The following CETP variants were observed in gnomAD, a reference collection of about 807,000 sequenced individuals.
The protein encoded by CETP is cholesteryl ester transfer protein.
CETP carries 56 observed loss-of-function variants against 66.5 expected under a neutral mutation model. The observed-to-expected ratio is 0.84, with a 90% confidence interval of 0.68 to 1.05. CETP has a LOEUF of 1.05. Ranked by LOEUF, CETP falls within the 50% of genes least tolerant of loss-of-function variation. The probability of loss-of-function intolerance (pLI) is 0.00; values close to 1 mark genes in which losing one functional copy is unlikely to be tolerated. For missense variants in CETP, 612 were observed against 609.6 expected, an observed-to-expected ratio of 1.00 and a Z score of -0.04; for synonymous variants, 251 against 245.7, an observed-to-expected ratio of 1.02 and a Z score of -0.20.
In CETP at chr16:56,980,778, C is replaced by T. The variant is rs140776547; in HGVS notation, c.1147-380C>T. On this transcript the variant is annotated intron_variant, in intron 11 of 15. Coordinates refer to ENST00000200676, the MANE Select transcript of CETP (RefSeq NM_000078.3). Reference sequence around the variant, plus strand: ...CTCTACTAAAAATACAAAAATTAGCCGGACATGGTGGCACATGCCTGTAGT... The same window carrying T: ...CTCTACTAAAAATACAAAAATTAGCTGGACATGGTGGCACATGCCTGTAGT... Among the ~76,000 whole-genome samples, 733 of 152,124 alleles carry T rather than the reference C, an allele frequency of 4.8e-3. 12 individuals are homozygous for T. Among genetic ancestry groups the T allele is most frequent in the African/African-American group, 0.017 (701 of 41,490 alleles).
intron 11 of CETP, among the ~76,000 whole-genome samples, chr16:56,978,768 G>A (rs1262821407): frequency 6.6e-6 from 1 of 152,150 alleles, no homozygotes; most frequent in Non-Finnish European, 1.5e-5. Flanking sequence ...TTATAGGCAT[G>A]AGCCACCATG....
intron 11 of CETP, among the ~76,000 whole-genome samples, chr16:56,980,059 G>A (rs1044350280): frequency 2.0e-5 from 3 of 152,062 alleles, no homozygotes; most frequent in African/African-American, 4.8e-5. Flanking sequence ...CCCACTTCCC[G>A]CTTTGTCCAC....
chr16:56,975,082 C>T lies in CETP; in HGVS notation c.931-19C>T. ...GGACTTTACTCCACCCACCCTCCAA[C>T]TTCCTCATTTCTTTTCAGGCAGTGC... On this transcript the variant is annotated intron_variant, in intron 9 of 15. Coordinates refer to ENST00000200676, the MANE Select transcript of CETP (RefSeq NM_000078.3). 1 of 1,613,850 alleles carries T rather than the reference C, an allele frequency of 6.2e-7. No homozygotes were observed. The highest frequency in any genetic ancestry group is 1.3e-5 in the African/African-American group (1 of 75,032).
intron 11 of CETP, among the ~76,000 whole-genome samples, chr16:56,980,469 G>A (rs2056179758): frequency 6.6e-6 from 1 of 152,158 alleles, no homozygotes; most frequent in Non-Finnish European, 1.5e-5. Context: ...ACTGTGCCCA[G>A]TTTATTTAGC....
intron 2 of CETP, 150 bp from the exon 3 acceptor site, chr16:56,969,236 G>A (rs1037284861): frequency 1.7e-4 from 173 of 1,009,340 alleles, no homozygotes; most frequent in Non-Finnish European, 1.4e-4. Context: ...TTGACATGTT[G>A]GGTAACATAT....
At chr16:56,963,190 C>T (rs934494282) in intron 2 of CETP, 66 bp downstream of exon 2, 13 of 1,320,160 alleles carry the variant, frequency 9.8e-6, no homozygotes, top group Non-Finnish European at 1.4e-5. Context: ...CTGGGGCTTG[C>T]CCCCAGCCCA....
chr16:56,978,469 TTC>T (rs1184699524), intron 11 of CETP, among the ~76,000 whole-genome samples: 3 of 152,064 alleles, frequency 2.0e-5, no homozygotes, highest in Non-Finnish European at 2.9e-5. Flanking sequence ...AGGTAATATT[TTC>T]TCTCTTTTCT....
intron 1 of CETP, 23 bp from the exon 2 acceptor site, chr16:56,962,987 T>G (rs1167990070): frequency 1.2e-6 from 2 of 1,605,938 alleles, no homozygotes; most frequent in East Asian, 4.5e-5. Flanking sequence ...CTGCAGCCCC[T>G]CATCCACTGC....
chr16:56,975,263 C>T (rs1311783883), intron 10 of CETP, 112 bp downstream of exon 10: 32 of 900,548 alleles, frequency 3.6e-5, no homozygotes, highest in Non-Finnish European at 4.9e-5. Flanking sequence ...ATTATAACAG[C>T]GAACACAGCT....
chr16:56,962,636 A>G (rs1173304402), intron 1 of CETP, among the ~76,000 whole-genome samples: 2 of 152,200 alleles, frequency 1.3e-5, no homozygotes, highest in African/African-American at 4.8e-5. Flanking sequence ...AGTATCGCCA[A>G]GTTCAAAAGC....
chr16:56,976,007 C>T (rs986027456), intron 10 of CETP, among the ~76,000 whole-genome samples: 23 of 152,212 alleles, frequency 1.5e-4, no homozygotes, highest in Admixed American at 1.3e-3. Context: ...CAGCCTTCCC[C>T]GGCTCTGTGA....
rs12708970 is a variant in CETP, at chr16:56,969,113, G to T, written c.234-273G>T. ...CCTCTTCCACTTTTCGGTACCCTGTGATTGTATTGGGACCACCCAGATAAC... is the reference window on the plus strand; with the variant it reads ...CCTCTTCCACTTTTCGGTACCCTGTTATTGTATTGGGACCACCCAGATAAC... On this transcript the variant is annotated intron_variant, in intron 2 of 15. Transcript: ENST00000200676. Among the ~76,000 whole-genome samples the T allele has an allele frequency of 0.015, 2,292 of 151,972 alleles. 96 individuals are homozygous for T. The highest frequency in any genetic ancestry group is 0.12 in the East Asian group (641 of 5,176).
chr16:56,964,444 C>T (rs537561613), intron 2 of CETP, among the ~76,000 whole-genome samples: 3 of 152,294 alleles, frequency 2.0e-5, no homozygotes, highest in Non-Finnish European at 4.4e-5. Flanking sequence ...AGCAGCCTGG[C>T]GGAGCTCATG....
intron 10 of CETP, among the ~76,000 whole-genome samples, chr16:56,975,581 T>C (rs2056143744): frequency 6.6e-6 from 1 of 152,176 alleles, no homozygotes; most frequent in African/African-American, 2.4e-5. Context: ...TCAGGCAAGC[T>C]CCTTGGAGGT....
intron 15 of CETP, 65 bp downstream of exon 15, chr16:56,983,476 G>A (rs1229872193): frequency 2.5e-6 from 4 of 1,597,764 alleles, no homozygotes; most frequent in Admixed American, 3.3e-5. Flanking sequence ...AGGATTCCTG[G>A]GGTGACTGGG....
chr16:56,970,781 C>A (rs909068546), intron 5 of CETP, among the ~76,000 whole-genome samples: 1 of 152,198 alleles, frequency 6.6e-6, no homozygotes, highest in South Asian at 2.1e-4. Context: ...ACTCTAGACA[C>A]GTTCTCGTGT....
chr16:56,981,754 C>A, intron 13 of CETP, 74 bp downstream of exon 13: 1 of 1,498,102 alleles, frequency 6.7e-7, no homozygotes. Context: ...AGGCGGAGGG[C>A]CCTAAAGGAA....
chr16:56,977,580 C>T (rs902194229), intron 10 of CETP, among the ~76,000 whole-genome samples: 3 of 152,178 alleles, frequency 2.0e-5, no homozygotes, highest in South Asian at 2.1e-4. Context: ...TGCAGTTTTA[C>T]GTTCTGTTCT....
intron 8 of CETP, among the ~76,000 whole-genome samples, chr16:56,972,506 C>A (rs192125362): frequency 6.6e-6 from 1 of 152,238 alleles, no homozygotes; most frequent in Non-Finnish European, 1.5e-5. Flanking sequence ...TTATTTCCCT[C>A]TGTTGCGTTC....
Sources: gnomAD v4.1 joint callset for allele counts (sites outside exome capture counted in the v4.1 genomes callset) on GRCh38, gnomAD v4.1.1 for gene constraint, MANE v1.5 for transcripts, NCBI Gene and HGNC (gene_info 2026-07-23, HGNC 2026-07-21) for gene names.